The following AXDND1 variants were observed in gnomAD, a reference collection of about 807,000 sequenced individuals.
The protein encoded by AXDND1 is axonemal dynein light chain domain containing 1, also known as axonemal dynein light chain domain-containing protein 1.
In AXDND1, 110 loss-of-function variants were observed where a neutral mutation model predicts 137.5. The observed-to-expected ratio is 0.80, with a 90% CI of 0.69 to 0.94. The LOEUF (loss-of-function observed/expected upper bound fraction) is 0.94, where lower values mean the gene tolerates loss of function less well. Ranked by LOEUF, AXDND1 falls within the 40% of genes least tolerant of loss-of-function variation. AXDND1 has a pLI of 0.00. For synonymous variants in AXDND1, 414 were observed against 399.7 expected (o/e 1.04, Z -0.43); for missense variants, 1,191 against 1,169.8 (o/e 1.02, Z -0.26).
chr1:179,414,204 A>C (rs1654335327), intron 12 of AXDND1, among the ~76,000 whole-genome samples: 1 of 151,544 alleles, frequency 6.6e-6, no homozygotes, highest in African/African-American at 2.4e-5. Context: ...TACAAAAAAA[A>C]ACCCAACGTA....
chr1:179,370,448 C>G (rs1202703804), intron 4 of AXDND1, among the ~76,000 whole-genome samples: 1 of 152,202 alleles, frequency 6.6e-6, no homozygotes. Flanking sequence ...TTGTGGACAT[C>G]TTTAGAAGAA....
At chr1:179,380,045 C>A (rs994182296) in intron 6 of AXDND1, among the ~76,000 whole-genome samples, 1 of 151,940 alleles carries the variant, frequency 6.6e-6, no homozygotes, top group Non-Finnish European at 1.5e-5. Context: ...GTCGGGAGAT[C>A]AAGACCATCC....
At chr1:179,476,733 G>T (rs1265122568) in intron 17 of AXDND1, among the ~76,000 whole-genome samples, 1 of 152,008 alleles carries the variant, frequency 6.6e-6, no homozygotes, top group African/African-American at 2.4e-5. Context: ...ATCTTATTGG[G>T]ACTCCCTTGT....
At chr1:179,508,188 T>C (rs1334394483) in intron 20 of AXDND1, among the ~76,000 whole-genome samples, 1 of 152,048 alleles carries the variant, frequency 6.6e-6, no homozygotes, top group East Asian at 1.9e-4. Flanking sequence ...GTAAAAAAAT[T>C]AGCCAGGTAT....
At chr1:179,486,999 C>A (rs141314768) in intron 18 of AXDND1, among the ~76,000 whole-genome samples, 1 of 148,504 alleles carries the variant, frequency 6.7e-6, no homozygotes, top group East Asian at 1.9e-4. Flanking sequence ...GGGCTAAATG[C>A]CCCAATTAAA....
chr1:179,537,457 G>A (rs1671663889), intron 25 of AXDND1, among the ~76,000 whole-genome samples: 1 of 152,176 alleles, frequency 6.6e-6, no homozygotes, highest in Admixed American at 6.5e-5. Flanking sequence ...TAATCATGTG[G>A]TTTTTGTCAT....
chr1:179,434,924 A>G (rs1177451062), intron 15 of AXDND1, among the ~76,000 whole-genome samples: 2 of 152,196 alleles, frequency 1.3e-5, no homozygotes, highest in Non-Finnish European at 2.9e-5. Flanking sequence ...AGTTGACATG[A>G]TTCTATGTTT....
chr1:179,447,020 ATC>A, intron 16 of AXDND1, among the ~76,000 whole-genome samples: 1 of 152,200 alleles, frequency 6.6e-6, no homozygotes, highest in Admixed American at 6.5e-5. Context: ...TATTTGAGGT[ATC>A]TATTATCCTG....
chr1:179,529,188 A>C (rs1260878675), intron 23 of AXDND1, among the ~76,000 whole-genome samples: 1 of 152,178 alleles, frequency 6.6e-6, no homozygotes, highest in Non-Finnish European at 1.5e-5. Flanking sequence ...CTGTGACTTT[A>C]AGAGTTTATG....
intron 11 of AXDND1, among the ~76,000 whole-genome samples, chr1:179,396,207 A>G (rs1216316084): frequency 6.6e-6 from 1 of 151,038 alleles, no homozygotes; most frequent in Non-Finnish European, 1.5e-5. Context: ...ATATTTGGAG[A>G]TTTAAAAAAA....
rs1418272405 is a variant in AXDND1, at chr1:179,366,623, C to G, written c.97+17C>G. The G allele has an allele frequency of 6.3e-7, 1 of 1,580,374 alleles. No individual in the cohort carries two copies. Among genetic ancestry groups the G allele is most frequent in the Non-Finnish European group, 8.7e-7 (1 of 1,149,856 alleles). Reference sequence around the variant, plus strand: ...GGACAAGAGGTAAACTTCGTTGATTCTGAAGTCATAAACAGTCATGGCCGT... The same window carrying G: ...GGACAAGAGGTAAACTTCGTTGATTGTGAAGTCATAAACAGTCATGGCCGT... On this transcript the variant is annotated intron_variant, in intron 2 of 25. Transcript: ENST00000367618.
chr1:179,481,980 C>T (rs974856334), intron 17 of AXDND1, among the ~76,000 whole-genome samples: 1 of 152,140 alleles, frequency 6.6e-6, no homozygotes, highest in Non-Finnish European at 1.5e-5. Context: ...CTTGAATCTC[C>T]ACTGAATTGC....
At chr1:179,386,142 C>G (rs1221162362) in intron 9 of AXDND1, among the ~76,000 whole-genome samples, 1 of 148,942 alleles carries the variant, frequency 6.7e-6, no homozygotes, top group Non-Finnish European at 1.5e-5. Context: ...ACTTCTGCCT[C>G]CAAGGTTCAA....
chr1:179,463,179 C>A (rs1662612448), intron 16 of AXDND1, among the ~76,000 whole-genome samples: 1 of 152,108 alleles, frequency 6.6e-6, no homozygotes, highest in Non-Finnish European at 1.5e-5. Flanking sequence ...TGTGTTTGCT[C>A]TTGCTTCTCT....
At chr1:179,527,452 T>C (rs1670635961) in intron 22 of AXDND1, among the ~76,000 whole-genome samples, 1 of 152,216 alleles carries the variant, frequency 6.6e-6, no homozygotes, top group Non-Finnish European at 1.5e-5. Flanking sequence ...TTAGCCTCAT[T>C]GTACCCAGCT....
At chr1:179,453,856 G>A (rs1242292380) in intron 16 of AXDND1, 1 of 151,850 alleles carries the variant, frequency 6.6e-6, no homozygotes, top group Non-Finnish European at 1.5e-5. Flanking sequence ...GATTTGCATG[G>A]GGCTTGTAGG....
At chr1:179,509,437 A>G (rs751611884) in intron 21 of AXDND1, 34 bp downstream of exon 21, 9 of 1,336,316 alleles carry the variant, frequency 6.7e-6, no homozygotes, top group African/African-American at 1.4e-5. Context: ...GTCATTATTC[A>G]GATTATTCCT....
intron 17 of AXDND1, among the ~76,000 whole-genome samples, chr1:179,481,707 G>T (rs994521363): frequency 6.6e-6 from 1 of 152,150 alleles, no homozygotes; most frequent in African/African-American, 2.4e-5. Context: ...TCTCATTGTG[G>T]TTTTAATTTG....
intron 11 of AXDND1, among the ~76,000 whole-genome samples, 192 bp downstream of exon 11, chr1:179,395,394 A>T (rs1167876449): frequency 1.3e-5 from 2 of 152,130 alleles, no homozygotes; most frequent in African/African-American, 4.8e-5. Flanking sequence ...TCTCTTGGAG[A>T]TAGACCGTTG....
Sources: gnomAD v4.1 joint callset for allele counts (sites outside exome capture counted in the v4.1 genomes callset) on GRCh38, gnomAD v4.1.1 for gene constraint, MANE v1.5 for transcripts, NCBI Gene and HGNC (gene_info 2026-07-23, HGNC 2026-07-21) for gene names.